RAB3IL1: variants seen among roughly 807,000 people sequenced by gnomAD.
The protein encoded by RAB3IL1 is guanine nucleotide exchange factor for Rab-3A.
Under a neutral mutation model 49.2 loss-of-function variants are expected in RAB3IL1, and 37 were observed. That is an observed-to-expected ratio of 0.75 (90% CI 0.58 to 0.99). The LOEUF is 0.99. Among genes scored for constraint, RAB3IL1 ranks in the 50% least tolerant of loss-of-function variants. RAB3IL1 has a pLI of 0.00. For missense variants in RAB3IL1, 484 were observed against 513.0 expected (o/e 0.94, Z 0.55); for synonymous variants, 193 against 213.9 (o/e 0.90, Z 0.85).
Position 61,898,461 on chromosome 11 carries a change from AG to A in RAB3IL1, c.1067-102del. 1 of 987,196 alleles carries A rather than the reference AG, an allele frequency of 1.0e-6. No individual in the cohort carries two copies. Among genetic ancestry groups the A allele is most frequent in the Non-Finnish European group, 1.6e-6 (1 of 631,282 alleles). The allele number at this position is 987,196 out of a possible 1,614,324, so 61.2% of individuals were successfully genotyped here. A position where few individuals can be genotyped will look rare whatever the true frequency, so the allele number is the denominator to read the frequency against. ...TGGCTTTGGACAGAGCAGCTGGCAC[AG>A]CACCCTAGGGTCCCCGGCCCCCAAA... On this transcript the variant is annotated intron_variant, in intron 9 of 9. Transcript: ENST00000394836. This position sits in a 1 kb window ranked among gnomAD's most constrained non-coding sequence, Gnocchi z 5.1.
chr11:61,904,642 C>T lies in RAB3IL1; in HGVS notation c.803G>A (p.Arg268Gln), dbSNP rs776365736. 66 of 1,611,126 alleles carry T rather than the reference C, an allele frequency of 4.1e-5. No homozygotes were observed. The highest frequency in any genetic ancestry group is 5.4e-5 in the Non-Finnish European group (64 of 1,178,888). ...GAGCGTGTTGTCCTCCACGGCGGCC[C>T]GTACCAGCACCGAGAGCTGTGGCAG... ...FTMQELSVLVRAAVEDNTLTI... is the reference protein window; with the variant it reads ...FTMQELSVLVQAAVEDNTLTI... Residue 268 changes from arginine (R) to glutamine (Q), a missense_variant, in exon 7 of 10, where the codon CGG becomes CAG. By Grantham distance (43) the Arg-to-Gln change is conservative. Transcript: ENST00000394836.
rs113279525 is a variant in RAB3IL1, at chr11:61,904,919, G to C, written c.658-37C>G. ...GGCAAGCGAGGGTGGGGGCGGTCAG[G>C]GTACTGGGGCCAGCATAGAAGATGC... is the stretch of plus-strand genomic sequence containing the variant. On this transcript the variant is annotated intron_variant, in intron 5 of 9. Transcript: ENST00000394836. 1.1e-4 allele frequency: 170 copies of C among 1,497,666 alleles called. No individual in the cohort carries two copies. In the African/African-American group the frequency reaches 2.0e-3, roughly 18 times the overall value. 92.8% of individuals were successfully genotyped at this position (1,497,666 alleles called of 1,614,324 possible).
upstream of RAB3IL1, among the ~76,000 whole-genome samples, chr11:61,925,104 C>T (rs1403634224): frequency 6.6e-6 from 1 of 152,198 alleles, no homozygotes; most frequent in Non-Finnish European, 1.5e-5. Flanking sequence ...AGCGGCCCGA[C>T]AGTCCTTGGT....
chr11:61,934,444 GTGTATGTA>G, the RAB3IL1 span, among the ~76,000 whole-genome samples: 2 of 83,664 alleles, frequency 2.4e-5, no homozygotes, highest in African/African-American at 9.8e-5. Flanking sequence ...GTGTGTGTGT[GTGTATGTA>G]TATATATATA....
chr11:61,935,148 G>A, the RAB3IL1 span, among the ~76,000 whole-genome samples: 1 of 152,138 alleles, frequency 6.6e-6, no homozygotes, highest in African/African-American at 2.4e-5. Flanking sequence ...AAACTGTTAG[G>A]TCAGGTGTGT....
chr11:61,899,563 A>G (rs1938797067), intron 8 of RAB3IL1, 183 bp from the exon 9 acceptor site: 5 of 494,348 alleles, frequency 1.0e-5, no homozygotes, highest in African/African-American at 3.9e-5. Context: ...CTGCTGTAAT[A>G]GCAGCAGCAG....
intron 1 of RAB3IL1, among the ~76,000 whole-genome samples, chr11:61,910,933 C>A (rs1364407924): frequency 6.6e-6 from 1 of 152,252 alleles, no homozygotes; most frequent in African/African-American, 2.4e-5. Context: ...TATGCCCTGA[C>A]CGAGGAGAAC....
rs950181804 is a variant in RAB3IL1, at chr11:61,902,112, C to T, written c.999+330G>A. Among the ~76,000 whole-genome samples the T allele has an allele frequency of 1.1e-4, 16 of 152,036 alleles. No homozygotes were observed. In the East Asian group the frequency reaches 1.2e-3, roughly 11 times the overall value. ...GGCAGATCACTTAAGGCCAGGAGTT[C>T]GAGTTCAGCCTGGCCAACGTGGTGA... On this transcript the variant is annotated intron_variant, in intron 8 of 9. Transcript: ENST00000394836.
chr11:61,945,277 G>A, the RAB3IL1 span, among the ~76,000 whole-genome samples: 256 of 152,286 alleles, frequency 1.7e-3, no homozygotes, highest in Middle Eastern at 6.8e-3. Flanking sequence ...TCTAAAGAGC[G>A]CTTAGTGCAC....
At position 61,898,076 on chromosome 11, in the gene RAB3IL1, G is replaced by T; in HGVS notation, c.*202C>A. 1 of 571,776 alleles carries T rather than the reference G, an allele frequency of 1.7e-6. No homozygotes were observed. The highest frequency in any genetic ancestry group is 3.1e-6 in the Non-Finnish European group (1 of 320,340). The allele number at this position is 571,776 out of a possible 1,614,324, so 35.4% of individuals were successfully genotyped here. ...GCAGAACCCAGTGGGGAAGAGAGGG[G>T]GGTCTTGCCGTGAAGTCCAGGCCCG... is the stretch of plus-strand genomic sequence containing the variant. On this transcript the variant is annotated 3_prime_UTR_variant, in exon 10 of 10. Coordinates refer to ENST00000394836, the MANE Select transcript of RAB3IL1 (RefSeq NM_013401.4). The surrounding 1 kb of genome is among the most constrained non-coding windows in gnomAD (Gnocchi z 5.1).
chr11:61,901,442 T>C (rs541705048), intron 8 of RAB3IL1, among the ~76,000 whole-genome samples: 1 of 152,264 alleles, frequency 6.6e-6, no homozygotes, highest in African/African-American at 2.4e-5. Flanking sequence ...CTGAACCTTT[T>C]CCAAAGCTTC....
rs777175196 is a variant in RAB3IL1, at chr11:61,902,727, G to C, written c.900-186C>G. ...GGGAGCTGGCCCCAGCCATCCCTGG[G>C]ACAGACCTCGAACTAAGCTGAGCTG... On this transcript the variant is annotated intron_variant, in intron 7 of 9. Transcript: ENST00000394836. Among the ~76,000 whole-genome samples, 4 of 152,182 alleles carry C rather than the reference G, an allele frequency of 2.6e-5. 1 individual carries two copies. In the South Asian group the frequency reaches 8.3e-4, roughly 32 times the overall value.
chr11:61,920,010 C>G (rs888960546), upstream of RAB3IL1: 12 of 1,235,300 alleles, frequency 9.7e-6, no homozygotes, highest in Non-Finnish European at 1.1e-5. Context: ...AAGACTCCCC[C>G]TCCCCTCCAT....
At chr11:61,902,613 A>G in intron 7 of RAB3IL1, 72 bp from the exon 8 acceptor site, 2 of 1,329,242 alleles carry the variant, frequency 1.5e-6, no homozygotes, top group Non-Finnish European at 2.1e-6. Context: ...GCATACAGGG[A>G]AGATGCAGCA....
intron 1 of RAB3IL1, among the ~76,000 whole-genome samples, chr11:61,916,848 G>T (rs1591240274): frequency 6.6e-6 from 1 of 152,094 alleles, no homozygotes; most frequent in South Asian, 2.1e-4. Context: ...GGGGCGGGGG[G>T]GGTTCCCACT....
At position 61,898,102 on chromosome 11, in the gene RAB3IL1, T is replaced by C; in HGVS notation, c.*176A>G. ...GGTCTTGCCGTGAAGTCCAGGCCCG[T>C]CTGTCCCAGGATGGACGTGTGGTGC... On this transcript the variant is annotated 3_prime_UTR_variant, in exon 10 of 10. Coordinates refer to ENST00000394836, the MANE Select transcript of RAB3IL1 (RefSeq NM_013401.4). The surrounding 1 kb of genome is among the most constrained non-coding windows in gnomAD (Gnocchi z 5.1). 1.6e-6 allele frequency: 1 copy of C among 642,508 alleles called. No homozygotes were observed. The highest frequency in any genetic ancestry group is 2.8e-6 in the Non-Finnish European group (1 of 362,388). 39.8% of individuals were successfully genotyped at this position (642,508 alleles called of 1,614,324 possible). A position where few individuals can be genotyped will look rare whatever the true frequency, so the allele number is the denominator to read the frequency against.
At chr11:61,942,901 A>G in the RAB3IL1 span, among the ~76,000 whole-genome samples, 1 of 152,250 alleles carries the variant, frequency 6.6e-6, no homozygotes, top group African/African-American at 2.4e-5. Flanking sequence ...TCCTATGTTC[A>G]TGGATTGGAA....
upstream of RAB3IL1, chr11:61,920,295 A>G (rs906549608): frequency 3.7e-5 from 46 of 1,229,148 alleles, no homozygotes; most frequent in African/African-American, 7.8e-5. Context: ...AACCTTTGCT[A>G]TCTCCCCAGA....
the RAB3IL1 span, among the ~76,000 whole-genome samples, chr11:61,939,363 A>G: frequency 6.6e-6 from 1 of 152,192 alleles, no homozygotes; most frequent in Non-Finnish European, 1.5e-5. Context: ...CTTATCGAAT[A>G]CAGCAAAAGC....
Sources: allele counts gnomAD v4.1 joint callset (sites outside exome capture counted in the v4.1 genomes callset), GRCh38; gene constraint gnomAD v4.1.1; non-coding constraint Gnocchi (gnomAD v3.1); transcripts MANE v1.5; gene names NCBI Gene and HGNC (gene_info 2026-07-23, HGNC 2026-07-21).